The following CORO2B variants were observed in gnomAD, a reference collection of about 807,000 sequenced individuals.
CORO2B encodes coronin 2B.
CORO2B carries 26 observed loss-of-function variants against 58.8 expected under a neutral mutation model. The ratio of observed to expected loss-of-function variants is 0.44; its 90% CI spans 0.32 to 0.61. The LOEUF is 0.61. Ranked by LOEUF, CORO2B falls within the 20% of genes least tolerant of loss-of-function variation. The pLI is 0.04. For synonymous variants in CORO2B, 242 were observed against 253.8 expected (o/e 0.95, Z 0.44); for missense variants, 460 against 645.1 (o/e 0.71, Z 3.11).
intron 2 of CORO2B, among the ~76,000 whole-genome samples, chr15:68,675,265 T>G (rs935882773): frequency 6.6e-6 from 1 of 152,234 alleles, no homozygotes; most frequent in African/African-American, 2.4e-5. Flanking sequence ...CCTCCCATTT[T>G]GCTGTCAGTC....
At chr15:68,656,210 A>G (rs1566997913) in intron 2 of CORO2B, among the ~76,000 whole-genome samples, 3 of 114,632 alleles carry the variant, frequency 2.6e-5, no homozygotes, top group Non-Finnish European at 3.6e-5. Flanking sequence ...TCCCATCCCA[A>G]GGCTCTTGAC....
At chr15:68,644,406 A>G (rs1049595491) in intron 1 of CORO2B, among the ~76,000 whole-genome samples, 5 of 152,120 alleles carry the variant, frequency 3.3e-5, no homozygotes, top group Admixed American at 6.6e-5. Context: ...GACTTCCCCA[A>G]CCCCAGATGA....
At chr15:68,529,716 C>T in the CORO2B span, among the ~76,000 whole-genome samples, 1 of 152,114 alleles carries the variant, frequency 6.6e-6, no homozygotes, top group Admixed American at 6.5e-5. Context: ...GTAATTTGCT[C>T]TTCTGTTTCT....
chr15:68,621,409 C>T (rs913281338), intron 1 of CORO2B, among the ~76,000 whole-genome samples: 1 of 152,192 alleles, frequency 6.6e-6, no homozygotes, highest in Admixed American at 6.5e-5. Context: ...GGCTTCGCAG[C>T]GCTGGAGACA....
chr15:68,707,724 A>G (rs952021330), intron 3 of CORO2B, among the ~76,000 whole-genome samples: 9 of 152,210 alleles, frequency 5.9e-5, no homozygotes, highest in Non-Finnish European at 7.3e-5. Flanking sequence ...GTCTAGCCCA[A>G]GCATTAGTCT....
chr15:68,575,584 C>CCCCCCT (rs1478513943), upstream of CORO2B, among the ~76,000 whole-genome samples: 1 of 104,384 alleles, frequency 9.6e-6, no homozygotes, highest in South Asian at 4.5e-4. Context: ...TCTGCCCCCG[C>CCCCCCT]CTCGGCCTCC....
At chr15:68,633,902 C>A (rs1458248847) in intron 1 of CORO2B, among the ~76,000 whole-genome samples, 1 of 152,238 alleles carries the variant, frequency 6.6e-6, no homozygotes, top group Non-Finnish European at 1.5e-5. Flanking sequence ...CCATCTTTTT[C>A]TGCATTGCCA....
At chr15:68,711,023 TCGC>T in intron 4 of CORO2B, 142 bp downstream of exon 4, 1 of 1,010,124 alleles carries the variant, frequency 9.9e-7, no homozygotes, top group Non-Finnish European at 1.4e-6. Context: ...ATTCATTCAT[TCGC>T]TACACGCAAC....
At chr15:68,690,641 G>GCTTT (rs1555416860) in intron 2 of CORO2B, among the ~76,000 whole-genome samples, 2 of 125,164 alleles carry the variant, frequency 1.6e-5, no homozygotes, top group Non-Finnish European at 1.7e-5. Flanking sequence ...GATCACGTTA[G>GCTTT]CTTTCTTTTT....
At chr15:68,725,731 T>TG in intron 11 of CORO2B, 112 bp from the exon 12 acceptor site, 2 of 1,388,192 alleles carry the variant, frequency 1.4e-6, no homozygotes, top group East Asian at 2.3e-5. Context: ...GTGGGAGGCC[T>TG]GGGGGAATGT....
chr15:68,711,476 C>T (rs1480259854), intron 4 of CORO2B, 66 bp from the exon 5 acceptor site: 1 of 1,477,034 alleles, frequency 6.8e-7, no homozygotes, highest in Non-Finnish European at 9.2e-7. Flanking sequence ...CAAGTGTGCA[C>T]TGGGGACAAA....
intron 1 of CORO2B, among the ~76,000 whole-genome samples, chr15:68,618,016 G>A (rs1460900264): frequency 6.6e-6 from 1 of 152,192 alleles, no homozygotes; most frequent in East Asian, 1.9e-4. Context: ...GGACAGAGTT[G>A]AACAGAGTCA....
At chr15:68,698,639 G>A (rs1892570076) in intron 3 of CORO2B, among the ~76,000 whole-genome samples, 1 of 152,116 alleles carries the variant, frequency 6.6e-6, no homozygotes, top group Non-Finnish European at 1.5e-5. Flanking sequence ...GGTAGACCTG[G>A]GCTGGAATCT....
chr15:68,696,186 G>C (rs1892505346), intron 3 of CORO2B, among the ~76,000 whole-genome samples: 1 of 151,620 alleles, frequency 6.6e-6, no homozygotes, highest in Admixed American at 6.6e-5. Context: ...GAAGGTCAAG[G>C]CTGCAGTGAG....
chr15:68,541,374 C>A, the CORO2B span, among the ~76,000 whole-genome samples: 17 of 152,196 alleles, frequency 1.1e-4, no homozygotes, highest in African/African-American at 3.9e-4. Context: ...TAAGGACTAG[C>A]ATCAGAAGGA....
At chr15:68,575,578 C>CCCCCA (rs1298143647), upstream of CORO2B, among the ~76,000 whole-genome samples, 3 of 8,258 alleles carry the variant, frequency 3.6e-4, no homozygotes, top group African/African-American at 5.0e-4. Flanking sequence ...TTGTGATCTG[C>CCCCCA]CCCCGCCTCG....
intron 1 of CORO2B, among the ~76,000 whole-genome samples, chr15:68,621,765 TTC>T (rs1401209473): frequency 3.5e-5 from 5 of 141,530 alleles, no homozygotes; most frequent in Admixed American, 1.4e-4. Context: ...CAAGTTTCAC[TTC>T]TTTTTTTTTT....
At chr15:68,579,372 G>A (rs1899361505) in intron 1 of CORO2B, 95 bp downstream of exon 1, 23 of 1,144,620 alleles carry the variant, frequency 2.0e-5, no homozygotes, top group Non-Finnish European at 2.2e-5. Flanking sequence ...TGTGGGGAGG[G>A]GGCGCCGGTG....
the CORO2B span, among the ~76,000 whole-genome samples, chr15:68,559,190 C>A: frequency 6.6e-6 from 1 of 151,968 alleles, no homozygotes; most frequent in Non-Finnish European, 1.5e-5. The surrounding 1 kb of genome is among the most constrained non-coding windows in gnomAD (Gnocchi z 4.3). Flanking sequence ...TACTTCAAAG[C>A]GGCAGCGCAT....
Sources: allele counts gnomAD v4.1 joint callset (sites outside exome capture counted in the v4.1 genomes callset), GRCh38; gene constraint gnomAD v4.1.1; non-coding constraint Gnocchi (gnomAD v3.1); transcripts MANE v1.5; gene names NCBI Gene and HGNC (gene_info 2026-07-23, HGNC 2026-07-21).